Variants in SLC22A14 observed in about 807,000 individuals in gnomAD.
SLC22A14 encodes the protein solute carrier family 22 member 14.
SLC22A14 carries 50 observed loss-of-function variants against 53.9 expected under a neutral mutation model. The ratio of observed to expected loss-of-function variants is 0.93; its 90% CI spans 0.74 to 1.17. SLC22A14 has a LOEUF of 1.17. SLC22A14 is among the 50% of genes most tolerant of loss of function. The pLI, the probability that SLC22A14 is intolerant of heterozygous loss-of-function variation, is 0.00. For synonymous variants in SLC22A14, 312 were observed against 303.0 expected (o/e 1.03, Z -0.31); for missense variants, 671 against 734.7 (o/e 0.91, Z 1.00).
At chr3:38,286,535 C>T (rs542307004) in intron 1 of SLC22A14, among the ~76,000 whole-genome samples, 38 of 151,830 alleles carry the variant, frequency 2.5e-4, no homozygotes, top group South Asian at 1.2e-3. Context: ...CTCGGCCTCC[C>T]GAGTAACTGG....
chr3:38,282,774 C>G (rs1019223149), intron 1 of SLC22A14, among the ~76,000 whole-genome samples: 3 of 152,142 alleles, frequency 2.0e-5, no homozygotes, highest in Non-Finnish European at 4.4e-5. Flanking sequence ...ACAGATGGCT[C>G]TGGTCCAGAA....
At chr3:38,317,033 C>G (rs1219969949) in intron 10 of SLC22A14, among the ~76,000 whole-genome samples, 2 of 152,268 alleles carry the variant, frequency 1.3e-5, no homozygotes, top group African/African-American at 4.8e-5. Flanking sequence ...CCTCCATGGG[C>G]ACTTCCGGCC....
intron 1 of SLC22A14, among the ~76,000 whole-genome samples, chr3:38,304,675 C>T (rs1009200222): frequency 6.6e-6 from 1 of 152,166 alleles, no homozygotes; most frequent in Admixed American, 6.5e-5. Context: ...TGCTGAGGCT[C>T]TTCATTAGTC....
intron 1 of SLC22A14, among the ~76,000 whole-genome samples, chr3:38,294,452 A>G (rs1703982346): frequency 6.6e-6 from 1 of 152,162 alleles, no homozygotes; most frequent in East Asian, 1.9e-4. Flanking sequence ...GTACTGCAGA[A>G]GAAAATAAGT....
chr3:38,310,157 C>G (rs919977704), intron 5 of SLC22A14, among the ~76,000 whole-genome samples: 1 of 152,094 alleles, frequency 6.6e-6, no homozygotes, highest in Non-Finnish European at 1.5e-5. Context: ...GTGGGAGGAG[C>G]GCTTGAGGCT....
chr3:38,313,691 C>CGCGCGCGCGTGTGTGTGT, intron 7 of SLC22A14, 36 bp from the exon 8 acceptor site: 3 of 941,120 alleles, frequency 3.2e-6, no homozygotes, highest in Non-Finnish European at 1.5e-6. Context: ...TGTGTGCGCG[C>CGCGCGCGCGTGTGTGTGT]GTGTGCACGC....
At chr3:38,309,366 A>G (rs1290667979) in intron 5 of SLC22A14, among the ~76,000 whole-genome samples, 1 of 152,066 alleles carries the variant, frequency 6.6e-6, no homozygotes, top group East Asian at 1.9e-4. Context: ...CAGGAGGAAG[A>G]GTGTTGAAGG....
intron 10 of SLC22A14, 94 bp downstream of exon 10, chr3:38,316,618 C>T: frequency 1.8e-6 from 2 of 1,133,190 alleles, no homozygotes; most frequent in African/African-American, 1.5e-5. Context: ...ATCCCCGCCC[C>T]TCTGCCGGAG....
intron 1 of SLC22A14, among the ~76,000 whole-genome samples, chr3:38,299,325 C>G (rs1704110024): frequency 6.6e-6 from 1 of 152,180 alleles, no homozygotes; most frequent in African/African-American, 2.4e-5. Flanking sequence ...TCATTATTTT[C>G]ACCCATTCCC....
intron 1 of SLC22A14, among the ~76,000 whole-genome samples, chr3:38,286,314 T>A (rs984204394): frequency 6.6e-6 from 1 of 152,220 alleles, no homozygotes; most frequent in Non-Finnish European, 1.5e-5. Flanking sequence ...GATTTGCATT[T>A]CCCTCATTAT....
At chr3:38,301,580 G>A (rs4679033) in intron 1 of SLC22A14, among the ~76,000 whole-genome samples, 9,773 of 152,008 alleles carry the variant, frequency 0.064, 376 homozygotes, top group East Asian at 0.16. Context: ...GATTCTCTGT[G>A]GATTCTTTGG....
chr3:38,288,778 T>A (rs1046117118), intron 1 of SLC22A14, among the ~76,000 whole-genome samples: 2 of 152,236 alleles, frequency 1.3e-5, no homozygotes, highest in Non-Finnish European at 2.9e-5. Flanking sequence ...GTCTTGTATG[T>A]ATTTTGTTAG....
intron 1 of SLC22A14, among the ~76,000 whole-genome samples, chr3:38,288,276 A>G (rs1703834325): frequency 6.6e-6 from 1 of 152,212 alleles, no homozygotes; most frequent in African/African-American, 2.4e-5. Flanking sequence ...ATTCATTTTT[A>G]AGGCTGATCT....
chr3:38,298,993 A>G (rs1286994481), intron 1 of SLC22A14, among the ~76,000 whole-genome samples: 1 of 152,226 alleles, frequency 6.6e-6, no homozygotes, highest in East Asian at 1.9e-4. Context: ...CAAATTCACT[A>G]ACTAGGGTAA....
chr3:38,293,242 T>C (rs1026526468), intron 1 of SLC22A14, among the ~76,000 whole-genome samples: 1 of 152,188 alleles, frequency 6.6e-6, no homozygotes, highest in Admixed American at 6.5e-5. Flanking sequence ...GACAATCTTT[T>C]TTAAAGTGTT....
chr3:38,309,812 G>A (rs977056462), intron 5 of SLC22A14, among the ~76,000 whole-genome samples: 3 of 152,168 alleles, frequency 2.0e-5, no homozygotes, highest in Admixed American at 6.5e-5. Context: ...AGGAACCCAC[G>A]TGTGAAGGGT....
intron 1 of SLC22A14, among the ~76,000 whole-genome samples, chr3:38,294,729 C>T (rs997382540): frequency 1.3e-5 from 2 of 152,066 alleles, no homozygotes; most frequent in African/African-American, 4.8e-5. Flanking sequence ...CACCTGTTTT[C>T]CCACCTTTCT....
chr3:38,313,086 CAAG>C lies in SLC22A14; in HGVS notation c.1037_1039del (p.Lys346del). 1.9e-6 allele frequency: 3 copies of C among 1,608,140 alleles called. No homozygotes were observed. The highest frequency in any genetic ancestry group is 1.1e-5 in the South Asian group (1 of 89,462). Reference sequence around the variant, plus strand: ...TGCTGTGCTACGCCGCAAGTGTGAACAAGAAGACCATTCCTTCAAATCTGCTGG... The same window carrying C: ...TGCTGTGCTACGCCGCAAGTGTGAACAAGACCATTCCTTCAAATCTGCTGG... On this transcript the variant is annotated inframe_deletion, in exon 6 of 11. Coordinates refer to ENST00000448498, the MANE Select transcript of SLC22A14 (RefSeq NM_001320033.2).
intron 1 of SLC22A14, among the ~76,000 whole-genome samples, chr3:38,302,517 T>A (rs1173858864): frequency 2.0e-5 from 3 of 151,576 alleles, no homozygotes; most frequent in African/African-American, 7.3e-5. Flanking sequence ...ATTAGCCAGG[T>A]GTGGTGGGTG....
Sources: allele counts gnomAD v4.1 joint callset (sites outside exome capture counted in the v4.1 genomes callset), GRCh38; gene constraint gnomAD v4.1.1; transcripts MANE v1.5; gene names NCBI Gene and HGNC (gene_info 2026-07-23, HGNC 2026-07-21).